Variants in ASB13 observed in about 807,000 individuals in gnomAD.
The protein encoded by ASB13 is ankyrin repeat and SOCS box containing 13, also known as ankyrin repeat and SOCS box protein 13.
A neutral mutation model predicts 28.8 loss-of-function variants in ASB13; 33 were observed. The ratio of observed to expected loss-of-function variants is 1.15; its 90% CI spans 0.87 to 1.53. The LOEUF (loss-of-function observed/expected upper bound fraction) is 1.53, where lower values mean the gene tolerates loss of function less well. Among genes scored for constraint, ASB13 ranks in the 40% most tolerant of loss-of-function variants. The pLI, the probability that ASB13 is intolerant of heterozygous loss-of-function variation, is 0.00. For synonymous variants in ASB13, 182 were observed against 172.9 expected (o/e 1.05, Z -0.41); for missense variants, 414 against 390.1 (o/e 1.06, Z -0.52).
rs1350501700 is a variant in ASB13, at chr10:5,649,228, T to C, written c.383-124A>G. The stretch of plus-strand genomic sequence containing the variant: ...GCAGGGCAGGGAAGCCAGGCAGGCC[T>C]GCGTCCCAACCTAGGGAGGAGTTCA... On this transcript the variant is annotated intron_variant, in intron 3 of 5. Transcript: ENST00000357700. The surrounding 1 kb of genome is among the most constrained non-coding windows in gnomAD (Gnocchi z 6.4). 1.5e-6 allele frequency: 2 copies of C among 1,361,884 alleles called. No homozygotes were observed. Among genetic ancestry groups the C allele is most frequent in the Non-Finnish European group, 2.0e-6 (2 of 987,124 alleles). 84.4% of individuals were successfully genotyped at this position (1,361,884 alleles called of 1,614,324 possible).
chr10:5,643,933 C>T (rs749056509), intron 4 of ASB13, among the ~76,000 whole-genome samples: 4 of 152,230 alleles, frequency 2.6e-5, no homozygotes, highest in African/African-American at 7.2e-5. Flanking sequence ...CTCCCTGCCA[C>T]GCTCCACAGA....
Position 5,645,200 on chromosome 10 carries a change from C to A in ASB13, c.518-3239G>T, listed in dbSNP as rs1003010476. 6.7e-6 allele frequency among the ~76,000 whole-genome samples: 1 copy of A among 150,148 alleles called. No individual in the cohort carries two copies. Among genetic ancestry groups the A allele is most frequent in the Middle Eastern group, 3.4e-3 (1 of 294 alleles). The stretch of plus-strand genomic sequence containing the variant: ...CTGGCACAATCCTGGAACATAAACA[C>A]AAATAGCTCAATAGGTGCTTGTTAC... On this transcript the variant is annotated intron_variant, in intron 4 of 5. Transcript: ENST00000357700. The surrounding 1 kb of genome is among the most constrained non-coding windows in gnomAD (Gnocchi z 5.4).
At chr10:5,643,189 A>G (rs761101361) in intron 4 of ASB13, among the ~76,000 whole-genome samples, 2 of 152,224 alleles carry the variant, frequency 1.3e-5, no homozygotes, top group Non-Finnish European at 2.9e-5. Context: ...ACAAACATAA[A>G]GTATTATCAA....
In ASB13 at chr10:5,663,461, G is replaced by A. The variant is rs1348351910; in HGVS notation, c.43+3048C>T. ...CCCCTGGTCCACCCCAAAGGCTATG[G>A]CCCAGGGAGCATGGGGAGGGTCCCC... On this transcript the variant is annotated intron_variant, in intron 1 of 5. Transcript: ENST00000357700. The surrounding 1 kb of genome is among the most constrained non-coding windows in gnomAD (Gnocchi z 4.9). 1.3e-5 allele frequency among the ~76,000 whole-genome samples: 2 copies of A among 152,056 alleles called. No individual in the cohort carries two copies. Among genetic ancestry groups the A allele is most frequent in the Admixed American group, 6.6e-5 (1 of 15,226 alleles).
At chr10:5,657,010 G>C (rs1307810987) in intron 1 of ASB13, among the ~76,000 whole-genome samples, 2 of 152,170 alleles carry the variant, frequency 1.3e-5, no homozygotes, top group African/African-American at 4.8e-5. Flanking sequence ...TGAGCAGTAA[G>C]CAGCCAAATC....
rs61756319 is a variant in ASB13 at position 5,641,885 on chromosome 10, G to A, written c.594C>T (p.Ile198=). ...TGCCGCCAAACTCGATAAGCATCTC[G>A]ATGAGGTCAACATTCTTGACCTTGG... is the stretch of plus-strand genomic sequence containing the variant. ...HAAKVKNVDL[I]EMLIEFGGNI... is the part of the protein sequence containing the mutation. Residue 198 remains isoleucine (I), a synonymous_variant, in exon 5 of 6, where the codon ATC becomes ATT. Coordinates refer to ENST00000357700, the MANE Select transcript of ASB13 (RefSeq NM_024701.4). The surrounding 1 kb of genome is among the most constrained non-coding windows in gnomAD (Gnocchi z 8.4). The A allele has an allele frequency of 3.0e-3, 4,846 of 1,614,156 alleles. 9 individuals are homozygous for A. The highest frequency in any genetic ancestry group is 5.0e-3 in the Admixed American group (300 of 60,026).
Position 5,651,481 on chromosome 10 carries a change from C to CTAT in ASB13, c.232-121_232-119dup. 8.4e-7 allele frequency: 1 copy of CTAT among 1,185,520 alleles called. No homozygotes were observed. The highest frequency in any genetic ancestry group is 1.2e-6 in the Non-Finnish European group (1 of 861,406). The allele number at this position is 1,185,520 out of a possible 1,614,324, so 73.4% of individuals were successfully genotyped here. A position where few individuals can be genotyped will look rare whatever the true frequency, so the allele number is the denominator to read the frequency against. On this transcript the variant is annotated intron_variant, in intron 2 of 5. Coordinates refer to ENST00000357700, the MANE Select transcript of ASB13 (RefSeq NM_024701.4). This position sits in a 1 kb window ranked among gnomAD's most constrained non-coding sequence, Gnocchi z 5.1. ...TTCTTAGAAGCACCGGTTTGCTTTG[C>CTAT]TATTATGTGCTAGGCAACGACACTG...
Position 5,658,061 on chromosome 10 carries a change from G to A in ASB13, c.44-5011C>T, listed in dbSNP as rs891536351. Among the ~76,000 whole-genome samples, 5 of 152,144 alleles carry A rather than the reference G, an allele frequency of 3.3e-5. No homozygotes were observed. Among genetic ancestry groups the A allele is most frequent in the African/African-American group, 1.2e-4 (5 of 41,420 alleles). On this transcript the variant is annotated intron_variant, in intron 1 of 5. Transcript: ENST00000357700. The surrounding 1 kb of genome is among the most constrained non-coding windows in gnomAD (Gnocchi z 4.2). ...GTAGTGCCAGCTACTCAGAGGCTGA[G>A]GCACGAGAATCGCATGAACCCAGGA... is the stretch of plus-strand genomic sequence containing the variant.
At position 5,663,993 on chromosome 10, in the gene ASB13, G is replaced by A. The variant is rs1046473582; in HGVS notation, c.43+2516C>T. ...TCACTCAACTGAGAGTACCTGGATG[G>A]GGAGACATAAATCCATATAAACAAG... is the stretch of plus-strand genomic sequence containing the variant. On this transcript the variant is annotated intron_variant, in intron 1 of 5. Coordinates refer to ENST00000357700, the MANE Select transcript of ASB13 (RefSeq NM_024701.4). The surrounding 1 kb of genome is among the most constrained non-coding windows in gnomAD (Gnocchi z 4.9). 1.3e-5 allele frequency among the ~76,000 whole-genome samples: 2 copies of A among 152,086 alleles called. No individual in the cohort carries two copies. The highest frequency in any genetic ancestry group is 6.6e-5 in the Admixed American group (1 of 15,266).
At position 5,658,631 on chromosome 10, in the gene ASB13, T is replaced by C. The variant is rs995591784; in HGVS notation, c.44-5581A>G. On this transcript the variant is annotated intron_variant, in intron 1 of 5. Coordinates refer to ENST00000357700, the MANE Select transcript of ASB13 (RefSeq NM_024701.4). This position sits in a 1 kb window ranked among gnomAD's most constrained non-coding sequence, Gnocchi z 4.2. Reference sequence around the variant, plus strand: ...ACAGGATGAAAAAGTTCTAGAGATCTGTTACACAAAAATGTAAATGTACTC... The same window carrying C: ...ACAGGATGAAAAAGTTCTAGAGATCCGTTACACAAAAATGTAAATGTACTC... 6.6e-6 allele frequency among the ~76,000 whole-genome samples: 1 copy of C among 152,174 alleles called. No homozygotes were observed. Among genetic ancestry groups the C allele is most frequent in the African/African-American group, 2.4e-5 (1 of 41,442 alleles).
Position 5,639,549 on chromosome 10 carries a change from C to G in ASB13, c.*1154G>C, listed in dbSNP as rs549418908. 1.3e-5 allele frequency: 2 copies of G among 152,388 alleles called. No homozygotes were observed. The highest frequency in any genetic ancestry group is 3.9e-4 in the East Asian group (2 of 5,190). 9.4% of individuals were successfully genotyped at this position (152,388 alleles called of 1,614,324 possible). Reference sequence around the variant, plus strand: ...ATTTATGAAGGCAAAGACTCCTAGGCCGGCCCATGCAGTCTGAATACGCTA... The same window carrying G: ...ATTTATGAAGGCAAAGACTCCTAGGGCGGCCCATGCAGTCTGAATACGCTA... On this transcript the variant is annotated 3_prime_UTR_variant, in exon 6 of 6. Transcript: ENST00000357700.
intron 1 of ASB13, among the ~76,000 whole-genome samples, chr10:5,657,679 G>A (rs1835093715): frequency 6.6e-6 from 1 of 152,224 alleles, no homozygotes; most frequent in African/African-American, 2.4e-5. Context: ...CATATCTCCA[G>A]AAGAATTGAA....
rs528318809 is a variant in ASB13, at chr10:5,659,561, A to G, written c.44-6511T>C. 6.6e-6 allele frequency among the ~76,000 whole-genome samples: 1 copy of G among 152,170 alleles called. No homozygotes were observed. Among genetic ancestry groups the G allele is most frequent in the East Asian group, 1.9e-4 (1 of 5,154 alleles). On this transcript the variant is annotated intron_variant, in intron 1 of 5. Coordinates refer to ENST00000357700, the MANE Select transcript of ASB13 (RefSeq NM_024701.4). This position sits in a 1 kb window ranked among gnomAD's most constrained non-coding sequence, Gnocchi z 5.8. ...TATGCTGTTCCTTCCCCTGCCTGGAAAGCTCTTCTCAGCCCCATTCCCCAC... is the reference window on the plus strand; with the variant it reads ...TATGCTGTTCCTTCCCCTGCCTGGAGAGCTCTTCTCAGCCCCATTCCCCAC...
In ASB13 at chr10:5,642,461, C is replaced by T; in HGVS notation, c.518-500G>A. 1 of 1,161,192 alleles carries T rather than the reference C, an allele frequency of 8.6e-7. No individual in the cohort carries two copies. Among genetic ancestry groups the T allele is most frequent in the Non-Finnish European group, 1.1e-6 (1 of 924,940 alleles). 71.9% of individuals were successfully genotyped at this position (1,161,192 alleles called of 1,614,324 possible). On this transcript the variant is annotated intron_variant, in intron 4 of 5. Transcript: ENST00000357700. This position sits in a 1 kb window ranked among gnomAD's most constrained non-coding sequence, Gnocchi z 4.1. ...TGCATATTCTTTTACAAAAGGAAAA[C>T]AGATAACGTACCCAAAACAGTAGGC... is the stretch of plus-strand genomic sequence containing the variant.
At chr10:5,666,427 C>T in intron 1 of ASB13, 82 bp downstream of exon 1, 1 of 1,177,256 alleles carries the variant, frequency 8.5e-7, no homozygotes, top group Non-Finnish European at 1.1e-6. Flanking sequence ...ACCACCTCCC[C>T]GGCGCAGGCC....
At chr10:5,647,928 C>T (rs907873234) in intron 4 of ASB13, among the ~76,000 whole-genome samples, 2 of 152,208 alleles carry the variant, frequency 1.3e-5, no homozygotes, top group Admixed American at 1.3e-4. Flanking sequence ...TTCAGGCAAA[C>T]TTCTCAGATA....
Position 5,660,697 on chromosome 10 carries a change from C to T in ASB13, c.43+5812G>A, listed in dbSNP as rs758692911. ...TGCTGTCATTATTACCCTACCAGTC[C>T]TGTGGGGAGGGCAGGTGCGGGTTCT... is the stretch of plus-strand genomic sequence containing the variant. On this transcript the variant is annotated intron_variant, in intron 1 of 5. Coordinates refer to ENST00000357700, the MANE Select transcript of ASB13 (RefSeq NM_024701.4). This position sits in a 1 kb window ranked among gnomAD's most constrained non-coding sequence, Gnocchi z 6.1. 7.4e-4 allele frequency among the ~76,000 whole-genome samples: 113 copies of T among 152,214 alleles called. No individual in the cohort carries two copies. The highest frequency in any genetic ancestry group is 2.1e-3 in the Admixed American group (32 of 15,274).
In ASB13 at chr10:5,663,356, C is replaced by T. The variant is rs1403512015; in HGVS notation, c.43+3153G>A. ...CAGGACGCTAAAACCACACTGGATT[C>T]GCTGCATTATCCTTCAATGTCTCCT... On this transcript the variant is annotated intron_variant, in intron 1 of 5. Coordinates refer to ENST00000357700, the MANE Select transcript of ASB13 (RefSeq NM_024701.4). This position sits in a 1 kb window ranked among gnomAD's most constrained non-coding sequence, Gnocchi z 4.9. 6.6e-6 allele frequency among the ~76,000 whole-genome samples: 1 copy of T among 152,158 alleles called. No homozygotes were observed. Among genetic ancestry groups the T allele is most frequent in the African/African-American group, 2.4e-5 (1 of 41,436 alleles).
Position 5,650,732 on chromosome 10 carries a change from T to A in ASB13, c.382+481A>T, listed in dbSNP as rs905829484. Among the ~76,000 whole-genome samples the A allele has an allele frequency of 4.6e-5, 7 of 152,228 alleles. No individual in the cohort carries two copies. Among genetic ancestry groups the A allele is most frequent in the African/African-American group, 1.7e-4 (7 of 41,462 alleles). On this transcript the variant is annotated intron_variant, in intron 3 of 5. Coordinates refer to ENST00000357700, the MANE Select transcript of ASB13 (RefSeq NM_024701.4). This position sits in a 1 kb window ranked among gnomAD's most constrained non-coding sequence, Gnocchi z 6.0. ...GGGGTGCCCTTTTATCTTCCCAGCATCTGCAGTCTGCCTATTCTTGGGGGG... is the reference window on the plus strand; with the variant it reads ...GGGGTGCCCTTTTATCTTCCCAGCAACTGCAGTCTGCCTATTCTTGGGGGG...
Sources: gnomAD v4.1 joint callset for allele counts (sites outside exome capture counted in the v4.1 genomes callset) on GRCh38, gnomAD v4.1.1 for gene constraint, Gnocchi (gnomAD v3.1) non-coding constraint, MANE v1.5 for transcripts, NCBI Gene and HGNC (gene_info 2026-07-23, HGNC 2026-07-21) for gene names.